The following EYS variants were observed in gnomAD, a reference collection of about 807,000 sequenced individuals.
EYS encodes protein eyes shut homolog.
Under a neutral mutation model 282.1 loss-of-function variants are expected in EYS, and 250 were observed. The observed-to-expected ratio is 0.89, with a 90% CI of 0.80 to 0.98. EYS has a LOEUF of 0.98. EYS is among the 50% of genes least tolerant of loss of function. The pLI is 0.00. For synonymous variants in EYS, 1,355 were observed against 1,282.9 expected (o/e 1.06, Z -1.20); for missense variants, 4,016 against 3,709.0 (o/e 1.08, Z -2.15).
At chr6:64,793,493 G>A (rs930515028) in intron 22 of EYS, among the ~76,000 whole-genome samples, 3 of 152,104 alleles carry the variant, frequency 2.0e-5, no homozygotes, top group African/African-American at 7.2e-5. Context: ...ATGCTCAAAT[G>A]CATATTGGAT....
rs545940340 is a variant in EYS at position 65,663,610 on chromosome 6, T to C, written c.-447-23718A>G. On this transcript the variant is annotated intron_variant, in intron 1 of 42. Coordinates refer to ENST00000503581, the MANE Select transcript of EYS (RefSeq NM_001142800.2). The stretch of plus-strand genomic sequence containing the variant: ...AGATAGCTTTGAAATGCATCTGTCA[T>C]GGTTTGGATCATGGTACAAAAGCAA... Among the ~76,000 whole-genome samples, 21 of 152,324 alleles carry C rather than the reference T, an allele frequency of 1.4e-4. No homozygotes were observed. In the South Asian group the frequency reaches 3.5e-3, roughly 26 times the overall value.
rs755511843 is a variant in EYS, at chr6:65,638,046, G to A, written c.-333+1732C>T. Among the ~76,000 whole-genome samples, 4 of 152,126 alleles carry A rather than the reference G, an allele frequency of 2.6e-5. No homozygotes were observed. In the East Asian group the frequency reaches 5.8e-4, roughly 22 times the overall value. ...TCCACTACCCAGAGTGAGAACTTAC[G>A]GTGCTTTTTTCGGGCCTGCCAATGA... On this transcript the variant is annotated intron_variant, in intron 2 of 42. Transcript: ENST00000503581.
intron 26 of EYS, among the ~76,000 whole-genome samples, chr6:64,540,320 C>A (rs1764661549): frequency 6.6e-6 from 1 of 152,098 alleles, no homozygotes; most frequent in Non-Finnish European, 1.5e-5. Flanking sequence ...CTTCACACTG[C>A]CAATCTCAAA....
intron 13 of EYS, among the ~76,000 whole-genome samples, chr6:65,001,443 T>C (rs1348938411): frequency 6.8e-6 from 1 of 147,538 alleles, no homozygotes; most frequent in East Asian, 2.1e-4. Flanking sequence ...CTTCTCTCTT[T>C]CTCTGCGGAA....
At chr6:65,389,000 T>C (rs1050500554) in intron 7 of EYS, among the ~76,000 whole-genome samples, 10 of 152,072 alleles carry the variant, frequency 6.6e-5, no homozygotes, top group Admixed American at 5.9e-4. Flanking sequence ...CCCCTTCTTA[T>C]TATGCCCTCT....
intron 35 of EYS, among the ~76,000 whole-genome samples, chr6:63,865,465 T>C (rs1398190566): frequency 1.3e-5 from 2 of 149,794 alleles, no homozygotes; most frequent in East Asian, 1.9e-4. Flanking sequence ...AATCTTTTCT[T>C]TTTTTTTTTG....
intron 12 of EYS, among the ~76,000 whole-genome samples, chr6:65,118,757 T>C (rs1775448317): frequency 6.6e-6 from 1 of 152,088 alleles, no homozygotes; most frequent in African/African-American, 2.4e-5. Flanking sequence ...TATAATTTAA[T>C]GGGACTACCA....
At chr6:64,695,529 A>G (rs555453741) in intron 22 of EYS, among the ~76,000 whole-genome samples, 21 of 152,138 alleles carry the variant, frequency 1.4e-4, no homozygotes, top group African/African-American at 4.8e-4. Flanking sequence ...CATACAGAGT[A>G]TACACCACTG....
intron 2 of EYS, among the ~76,000 whole-genome samples, chr6:65,559,944 A>G (rs1768973575): frequency 6.6e-6 from 1 of 151,236 alleles, no homozygotes; most frequent in Non-Finnish European, 1.5e-5. Context: ...TACTTAAAAT[A>G]CTTTCTAGTT....
intron 22 of EYS, among the ~76,000 whole-genome samples, chr6:64,719,497 A>G (rs1428840386): frequency 6.6e-6 from 1 of 152,228 alleles, no homozygotes; most frequent in East Asian, 1.9e-4. Flanking sequence ...GTCATCAGTT[A>G]CTACCTTAAG....
At chr6:65,231,885 T>C (rs988209280) in intron 12 of EYS, among the ~76,000 whole-genome samples, 13 of 151,866 alleles carry the variant, frequency 8.6e-5, no homozygotes, top group Non-Finnish European at 1.6e-4. Flanking sequence ...AGTCTTGTGG[T>C]TGAAAAAGAT....
At chr6:65,011,752 C>G (rs374322183) in intron 13 of EYS, among the ~76,000 whole-genome samples, 1 of 152,136 alleles carries the variant, frequency 6.6e-6, no homozygotes, top group Non-Finnish European at 1.5e-5. Context: ...AATTCACACA[C>G]GACCAATCAG....
intron 40 of EYS, among the ~76,000 whole-genome samples, chr6:63,772,815 C>T (rs926267322): frequency 2.6e-5 from 4 of 152,018 alleles, no homozygotes; most frequent in Admixed American, 2.6e-4. Context: ...TTTACTACTT[C>T]TTGTTTTCTC....
At chr6:65,052,473 C>G (rs112621718) in intron 13 of EYS, among the ~76,000 whole-genome samples, 4 of 151,670 alleles carry the variant, frequency 2.6e-5, no homozygotes, top group African/African-American at 9.6e-5. Flanking sequence ...AGAAAGCCAT[C>G]ATTGGCCATG....
Position 65,495,981 on chromosome 6 carries a change from T to C in EYS, c.-320A>G, listed in dbSNP as rs969388354. ...GATAAGCATTCCTCTTCTGATTAGT[T>C]TTCAAAAAACACCTTTAAAACGTAG... On this transcript the variant is annotated 5_prime_UTR_variant, in exon 3 of 43. Transcript: ENST00000503581. 1.3e-5 allele frequency: 2 copies of C among 153,292 alleles called. No individual in the cohort carries two copies. The highest frequency in any genetic ancestry group is 1.3e-4 in the Admixed American group (2 of 15,456). 9.5% of individuals were successfully genotyped at this position (153,292 alleles called of 1,614,324 possible).
At chr6:64,776,757 A>G (rs966133408) in intron 22 of EYS, among the ~76,000 whole-genome samples, 2 of 152,078 alleles carry the variant, frequency 1.3e-5, no homozygotes, top group Admixed American at 1.3e-4. Flanking sequence ...CACACTGTCC[A>G]GTTGGTATCT....
chr6:64,659,438 A>T lies in EYS; in HGVS notation c.3444-33193T>A, dbSNP rs1380685586. Among the ~76,000 whole-genome samples, 8 of 152,184 alleles carry T rather than the reference A, an allele frequency of 5.3e-5. No individual in the cohort carries two copies. In the East Asian group the frequency reaches 1.2e-3, roughly 22 times the overall value. On this transcript the variant is annotated intron_variant, in intron 22 of 42. Coordinates refer to ENST00000503581, the MANE Select transcript of EYS (RefSeq NM_001142800.2). The stretch of plus-strand genomic sequence containing the variant: ...CAAAAAACCCTTCAAAAAATCAATG[A>T]ATCCAGGAGCTGGTTTTTTGAAAAG...
At chr6:64,171,621 T>G (rs1764482566) in intron 31 of EYS, among the ~76,000 whole-genome samples, 1 of 133,198 alleles carries the variant, frequency 7.5e-6, no homozygotes, top group Admixed American at 7.6e-5. Context: ...TAATGATTAT[T>G]GATATAACAG....
At chr6:64,580,851 G>C (rs538034185) in intron 26 of EYS, among the ~76,000 whole-genome samples, 4 of 152,208 alleles carry the variant, frequency 2.6e-5, no homozygotes, top group African/African-American at 7.2e-5. Flanking sequence ...AGCTGAATGA[G>C]AGAATTCCTA....
Sources: gnomAD v4.1 joint callset for allele counts (sites outside exome capture counted in the v4.1 genomes callset) on GRCh38, gnomAD v4.1.1 for gene constraint, MANE v1.5 for transcripts, NCBI Gene and HGNC (gene_info 2026-07-23, HGNC 2026-07-21) for gene names.